Variants in CIRSR observed in about 807,000 individuals in gnomAD.
CIRSR encodes CBF1 (RBPJ) interacting corepressor 1.
the CIRSR span, among the ~76,000 whole-genome samples, chr2:174,356,346 T>C: frequency 6.6e-6 from 1 of 151,894 alleles, no homozygotes; most frequent in Non-Finnish European, 1.5e-5. Flanking sequence ...CACATGCCTA[T>C]ACTCCCAGCT....
chr2:174,395,302 T>C, the CIRSR span, among the ~76,000 whole-genome samples: 1 of 152,198 alleles, frequency 6.6e-6, no homozygotes, highest in Non-Finnish European at 1.5e-5. Flanking sequence ...TCTTCGCATA[T>C]TATGGATTTG....
chr2:174,392,325 T>A, the CIRSR span, among the ~76,000 whole-genome samples: 2 of 152,178 alleles, frequency 1.3e-5, no homozygotes, highest in African/African-American at 2.4e-5. Context: ...GATGACAAAG[T>A]TCTAAAATTG....
chr2:174,377,841 A>AAAC, the CIRSR span, among the ~76,000 whole-genome samples: 4 of 151,526 alleles, frequency 2.6e-5, no homozygotes, highest in Admixed American at 2.0e-4. Flanking sequence ...AAAAAAAAAA[A>AAAC]AAAAAACCAA....
chr2:174,362,555 C>T, the CIRSR span, among the ~76,000 whole-genome samples: 2 of 149,430 alleles, frequency 1.3e-5, no homozygotes, highest in South Asian at 2.1e-4. Flanking sequence ...TGGTGATGGG[C>T]GCCTGTAGTC....
At chr2:174,351,707 G>A in the CIRSR span, 29 of 1,612,786 alleles carry the variant, frequency 1.8e-5, no homozygotes, top group Middle Eastern at 3.3e-4. Context: ...TATTAGCTCC[G>A]AGGGGTGCAT....
At chr2:174,348,512 C>G in the CIRSR span, 5 of 1,604,498 alleles carry the variant, frequency 3.1e-6, no homozygotes, top group African/African-American at 1.3e-5. Context: ...CTCTTTGTGT[C>G]ACTTTAGTAT....
the CIRSR span, among the ~76,000 whole-genome samples, chr2:174,370,336 C>T: frequency 1.4e-4 from 21 of 152,294 alleles, no homozygotes; most frequent in Middle Eastern, 3.4e-3. Context: ...GGGTGTGGGC[C>T]ACCACACCTG....
the CIRSR span, among the ~76,000 whole-genome samples, chr2:174,371,288 G>T: frequency 0.13 from 19,241 of 152,164 alleles, 1,498 homozygotes; most frequent in Non-Finnish European, 0.18. Context: ...TATAGTTCAC[G>T]AAAGTTGTTA....
chr2:174,366,456 C>G, the CIRSR span, among the ~76,000 whole-genome samples: 1 of 152,022 alleles, frequency 6.6e-6, no homozygotes, highest in Non-Finnish European at 1.5e-5. Flanking sequence ...TGCAAGTATC[C>G]TTCAAAAGTG....
chr2:174,387,605 G>A, the CIRSR span: 1 of 1,434,790 alleles, frequency 7.0e-7, no homozygotes, highest in African/African-American at 1.5e-5. Flanking sequence ...CCAAAAAACT[G>A]ACTTAATATA....
chr2:174,350,862 A>G, the CIRSR span: 8 of 733,736 alleles, frequency 1.1e-5, no homozygotes, highest in South Asian at 2.4e-5. Context: ...GATGAATATG[A>G]TATTTTGGAT....
the CIRSR span, among the ~76,000 whole-genome samples, chr2:174,375,788 C>A: frequency 1.3e-5 from 2 of 152,136 alleles, no homozygotes; most frequent in East Asian, 3.9e-4. Flanking sequence ...ATCTGAATTC[C>A]TCCTTTTGTA....
chr2:174,378,887 T>C, the CIRSR span: 1 of 1,404,728 alleles, frequency 7.1e-7, no homozygotes, highest in Non-Finnish European at 1.0e-6. Flanking sequence ...TTTCCTTGTT[T>C]GTCCTCTCCC....
chr2:174,350,732 C>T, the CIRSR span: 1 of 1,608,598 alleles, frequency 6.2e-7, no homozygotes, highest in South Asian at 1.1e-5. Flanking sequence ...TTCACCCTCA[C>T]TTGCAACATA....
At chr2:174,348,984 A>AT in the CIRSR span, 264 of 1,580,144 alleles carry the variant, frequency 1.7e-4, no homozygotes, top group South Asian at 3.5e-4. Flanking sequence ...CTTCCTTTGT[A>AT]TTTTTTTTTC....
At chr2:174,387,881 A>C in the CIRSR span, 2 of 983,568 alleles carry the variant, frequency 2.0e-6, no homozygotes, top group Non-Finnish European at 2.9e-6. Context: ...TGTTTAAAGC[A>C]GGAGTGCCCA....
chr2:174,354,151 T>C, the CIRSR span, among the ~76,000 whole-genome samples: 6 of 151,632 alleles, frequency 4.0e-5, no homozygotes, highest in Non-Finnish European at 5.9e-5. Context: ...TAAACAATCA[T>C]TACTCTTCTA....
the CIRSR span, among the ~76,000 whole-genome samples, chr2:174,355,884 T>C: frequency 2.0e-4 from 30 of 152,270 alleles, no homozygotes; most frequent in East Asian, 5.8e-4. Flanking sequence ...ACAAATGGCA[T>C]AGGAGGGAGA....
At chr2:174,372,714 C>G in the CIRSR span, among the ~76,000 whole-genome samples, 2 of 152,062 alleles carry the variant, frequency 1.3e-5, no homozygotes, top group African/African-American at 4.8e-5. Flanking sequence ...TCCTGAGTGG[C>G]TGGGATTACA....
Sources: allele counts gnomAD v4.1 joint callset (sites outside exome capture counted in the v4.1 genomes callset), GRCh38; gene constraint gnomAD v4.1.1; transcripts MANE v1.5; gene names NCBI Gene and HGNC (gene_info 2026-07-23, HGNC 2026-07-21).